The following ABCC4 variants were observed in gnomAD, a reference collection of about 807,000 sequenced individuals.
The protein encoded by ABCC4 is ATP binding cassette subfamily C member 4 (PEL blood group), also known as ATP-binding cassette sub-family C member 4.
A neutral mutation model predicts 168.5 loss-of-function variants in ABCC4; 102 were observed. The ratio of observed to expected loss-of-function variants is 0.61; its 90% CI spans 0.52 to 0.71. ABCC4 has a LOEUF of 0.71. Ranked by LOEUF, ABCC4 falls within the 30% of genes least tolerant of loss-of-function variation. The pLI is 0.00. For synonymous variants in ABCC4, 617 were observed against 590.7 expected (o/e 1.04, Z -0.65); for missense variants, 1,402 against 1,605.8 (o/e 0.87, Z 2.17).
At chr13:95,060,460 A>C (rs911407143) in intron 26 of ABCC4, among the ~76,000 whole-genome samples, 2 of 152,240 alleles carry the variant, frequency 1.3e-5, no homozygotes, top group Non-Finnish European at 2.9e-5. Flanking sequence ...ATTCATTCAA[A>C]GTAATGCAGG....
chr13:95,154,991 T>C (rs1249024806), intron 19 of ABCC4, among the ~76,000 whole-genome samples: 1 of 152,202 alleles, frequency 6.6e-6, no homozygotes, highest in Non-Finnish European at 1.5e-5. Context: ...TCAGATTTTA[T>C]AGAGTATCGC....
chr13:95,269,210 G>A lies in ABCC4; in HGVS notation c.75-21457C>T, dbSNP rs2040772034. On this transcript the variant is annotated intron_variant, in intron 1 of 30. Transcript: ENST00000645237. ...CATGGGAAGCATAGAATTTGTAGCTGGTTGACTAGAAGTCAGGGTGGGCTG... is the reference window on the plus strand; with the variant it reads ...CATGGGAAGCATAGAATTTGTAGCTAGTTGACTAGAAGTCAGGGTGGGCTG... The A allele has an allele frequency of 3.4e-5, 15 of 445,058 alleles. No homozygotes were observed. The Admixed American group carries it at 3.4e-4, about 10-fold the overall frequency. 27.6% of individuals were successfully genotyped at this position (445,058 alleles called of 1,614,324 possible). A position where few individuals can be genotyped will look rare whatever the true frequency, so the allele number is the denominator to read the frequency against.
intron 20 of ABCC4, among the ~76,000 whole-genome samples, chr13:95,115,542 G>A (rs1250207456): frequency 6.7e-6 from 1 of 148,856 alleles, no homozygotes; most frequent in African/African-American, 2.5e-5. Flanking sequence ...GCCCTTTGTG[G>A]TAATACAATG....
chr13:95,196,627 A>G (rs867115908), intron 8 of ABCC4, among the ~76,000 whole-genome samples: 8 of 7,522 alleles, frequency 1.1e-3, no homozygotes, highest in African/African-American at 3.3e-3. Context: ...GAAGGAAGGA[A>G]GGAAGGAAGG....
At chr13:95,243,126 C>T (rs1027057726) in intron 3 of ABCC4, among the ~76,000 whole-genome samples, 11 of 152,198 alleles carry the variant, frequency 7.2e-5, no homozygotes, top group African/African-American at 2.7e-4. Flanking sequence ...AAAGCCCAGG[C>T]TCCACTTTAT....
chr13:95,300,172 G>A (rs1326479880), intron 1 of ABCC4, among the ~76,000 whole-genome samples: 3 of 152,284 alleles, frequency 2.0e-5, no homozygotes, highest in South Asian at 4.1e-4. Context: ...TGTCACCCGA[G>A]TCTTTCTCCG....
intron 29 of ABCC4, among the ~76,000 whole-genome samples, chr13:95,039,325 T>A (rs576519732): frequency 4.6e-5 from 7 of 152,354 alleles, no homozygotes; most frequent in African/African-American, 1.4e-4. Flanking sequence ...GATTTCAGAT[T>A]AGGGGACTCA....
chr13:95,057,959 C>T (rs888143287), intron 26 of ABCC4, among the ~76,000 whole-genome samples: 9 of 152,186 alleles, frequency 5.9e-5, no homozygotes, highest in African/African-American at 2.2e-4. Context: ...CATGCAACCT[C>T]AAGTCTCCAG....
intron 19 of ABCC4, among the ~76,000 whole-genome samples, chr13:95,119,433 T>TGAGA (rs371638428): frequency 2.7e-5 from 4 of 150,730 alleles, no homozygotes; most frequent in East Asian, 3.9e-4. Flanking sequence ...AATTTTCCTC[T>TGAGA]GAGAGAGAGA....
chr13:95,113,542 T>A (rs1355110691), intron 20 of ABCC4, among the ~76,000 whole-genome samples: 1 of 149,424 alleles, frequency 6.7e-6, no homozygotes, highest in South Asian at 2.1e-4. Flanking sequence ...GCTGTTTTCA[T>A]CCTTACAGAG....
intron 29 of ABCC4, chr13:95,043,277 C>T (rs1236886154): frequency 6.3e-6 from 1 of 159,826 alleles, no homozygotes; most frequent in Non-Finnish European, 1.4e-5. Context: ...GTTCTGCAAC[C>T]TTACCCAACA....
Position 95,071,780 on chromosome 13 carries a change from G to A in ABCC4, c.3092C>T (p.Pro1031Leu). The change falls in exon 25 of 31, where the codon CCA (proline) becomes CTA (leucine). Residue 1031 changes from proline (P) to leucine (L), a missense_variant. Transcript: ENST00000645237. The part of the protein sequence containing the change: ...KEAPWEYQKR[P>L]PPAWPHEGVI... ...TCCTTCATGGGGCCAGGCTGGTGGT[G>A]GGCGTTTCTGATATTCCCAAGGTGC... 4 of 1,608,080 alleles carry A rather than the reference G, an allele frequency of 2.5e-6. No individual in the cohort carries two copies. The highest frequency in any genetic ancestry group is 3.4e-6 in the Non-Finnish European group (4 of 1,177,314).
intron 26 of ABCC4, among the ~76,000 whole-genome samples, chr13:95,057,140 C>T (rs1222535047): frequency 2.0e-5 from 3 of 152,182 alleles, no homozygotes; most frequent in African/African-American, 7.2e-5. Flanking sequence ...GCATACATTT[C>T]AGCTAACTAT....
intron 1 of ABCC4, among the ~76,000 whole-genome samples, chr13:95,293,528 G>A (rs9561831): frequency 2.6e-5 from 4 of 151,134 alleles, no homozygotes; most frequent in Non-Finnish European, 4.4e-5. Flanking sequence ...GTGCAGTGGC[G>A]TGATCTTGGC....
chr13:95,230,499 G>A (rs1449048925), intron 4 of ABCC4, among the ~76,000 whole-genome samples: 5 of 152,170 alleles, frequency 3.3e-5, no homozygotes, highest in African/African-American at 7.2e-5. Flanking sequence ...GGACTCGGCC[G>A]GGTACAGTGG....
At chr13:95,264,635 A>G (rs2040619940) in intron 1 of ABCC4, among the ~76,000 whole-genome samples, 1 of 152,218 alleles carries the variant, frequency 6.6e-6, no homozygotes, top group African/African-American at 2.4e-5. Flanking sequence ...ATGAGAGACA[A>G]TAAAAGACTG....
At chr13:95,185,106 G>C (rs1383574989) in intron 11 of ABCC4, among the ~76,000 whole-genome samples, 3 of 152,114 alleles carry the variant, frequency 2.0e-5, no homozygotes, top group African/African-American at 7.2e-5. Context: ...TGAATAAAAT[G>C]AAAATTTTAC....
At chr13:95,069,084 G>T (rs888248632) in intron 25 of ABCC4, among the ~76,000 whole-genome samples, 3 of 152,216 alleles carry the variant, frequency 2.0e-5, no homozygotes, top group Non-Finnish European at 4.4e-5. Flanking sequence ...TGGCACAAGG[G>T]TATCATTCAT....
chr13:95,153,198 T>A (rs75283426), intron 19 of ABCC4, among the ~76,000 whole-genome samples: 3 of 152,192 alleles, frequency 2.0e-5, no homozygotes, highest in African/African-American at 7.2e-5. Context: ...AGAACTATAA[T>A]GTTGATCTAA....
Sources: gnomAD v4.1 joint callset for allele counts (sites outside exome capture counted in the v4.1 genomes callset) on GRCh38, gnomAD v4.1.1 for gene constraint, MANE v1.5 for transcripts, NCBI Gene and HGNC (gene_info 2026-07-23, HGNC 2026-07-21) for gene names.